ART3: variants seen among roughly 807,000 people sequenced by gnomAD.
ART3 encodes ecto-ADP-ribosyltransferase 3.
ART3 carries 49 observed loss-of-function variants against 48.5 expected under a neutral mutation model. The observed-to-expected ratio is 1.01, with a 90% confidence interval of 0.80 to 1.28. The LOEUF is 1.28. ART3 is among the 50% of genes most tolerant of loss of function. The pLI is 0.00. For missense variants in ART3, 438 were observed against 454.3 expected, an observed-to-expected ratio of 0.96 and a Z score of 0.33; for synonymous variants, 145 against 157.2, an observed-to-expected ratio of 0.92 and a Z score of 0.58.
chr4:76,075,088 C>A (rs572822292), intron 1 of ART3, among the ~76,000 whole-genome samples: 2 of 152,220 alleles, frequency 1.3e-5, no homozygotes, highest in East Asian at 3.9e-4. Flanking sequence ...TCTCCCTTCC[C>A]CTGTGCTGTT....
At position 76,104,408 on chromosome 4, in the gene ART3, A is replaced by G. The variant is rs147006065; in HGVS notation, c.971-189A>G. ...GCTCAGTGAAGTGCTATGGCAGAAG[A>G]CTCCTCTAATCATGGTGTGGATTTG... On this transcript the variant is annotated intron_variant, in intron 9 of 11. Coordinates refer to ENST00000355810, the MANE Select transcript of ART3 (RefSeq NM_001130016.3). The G allele has an allele frequency of 2.1e-3, 2,028 of 985,216 alleles. 7 individuals carry two copies. In the Middle Eastern group the frequency reaches 0.037, roughly 18 times the overall value. 61.0% of individuals were successfully genotyped at this position (985,216 alleles called of 1,614,324 possible).
rs1336582800 is a variant in ART3 at position 76,050,259 on chromosome 4, C to T, written c.-9-25622C>T. ...TTCTCTTATCTGGCCCCACCCACGT[C>T]CTGCTAATTGGTAGAGCTGAGTGGT... is the stretch of plus-strand genomic sequence containing the variant. On this transcript the variant is annotated intron_variant, in intron 1 of 9. Transcript: ENST00000341029. 2.6e-5 allele frequency among the ~76,000 whole-genome samples: 4 copies of T among 152,124 alleles called. No individual in the cohort carries two copies. In the East Asian group the frequency reaches 5.8e-4, roughly 22 times the overall value.
chr4:76,102,988 T>G (rs1727670445), intron 8 of ART3, among the ~76,000 whole-genome samples: 1 of 152,140 alleles, frequency 6.6e-6, no homozygotes, highest in South Asian at 2.1e-4. Context: ...GGGTTAAATC[T>G]CTTCTTTTTG....
At chr4:76,043,243 C>T (rs972468556) in intron 1 of ART3, among the ~76,000 whole-genome samples, 12 of 152,096 alleles carry the variant, frequency 7.9e-5, no homozygotes, top group African/African-American at 2.4e-4. Context: ...CAGTGGATCC[C>T]GCACCAGGGC....
chr4:76,028,735 A>G (rs1392917043), intron 1 of ART3, among the ~76,000 whole-genome samples: 3 of 152,212 alleles, frequency 2.0e-5, no homozygotes, highest in Admixed American at 2.0e-4. Context: ...CTGGTTACAT[A>G]CTTTTCAATT....
At chr4:76,069,093 G>A (rs542662857) in intron 1 of ART3, among the ~76,000 whole-genome samples, 3 of 152,312 alleles carry the variant, frequency 2.0e-5, no homozygotes, top group African/African-American at 7.2e-5. Context: ...CATACTGACT[G>A]TATGATAATA....
chr4:76,069,295 G>A (rs534492174), intron 1 of ART3, among the ~76,000 whole-genome samples: 11 of 141,502 alleles, frequency 7.8e-5, no homozygotes, highest in African/African-American at 2.7e-4. Context: ...CCCATTATAC[G>A]TCCAGCCCTA....
intron 1 of ART3, chr4:76,035,887 A>G: frequency 6.4e-7 from 1 of 1,555,748 alleles, no homozygotes. Flanking sequence ...AAACATTAGA[A>G]AAGGAACTTA....
At chr4:76,105,546 A>G (rs2149702712) in intron 10 of ART3, 1 of 1,289,152 alleles carries the variant, frequency 7.8e-7, no homozygotes, top group East Asian at 5.6e-5. Context: ...CAACTGAATG[A>G]AAAACCTGGT....
In ART3 at chr4:76,016,759, T is replaced by C. The variant is rs554856703; in HGVS notation, c.-10+5439T>C. Among the ~76,000 whole-genome samples, 3 of 152,290 alleles carry C rather than the reference T, an allele frequency of 2.0e-5. No individual in the cohort carries two copies. In the South Asian group the frequency reaches 6.2e-4, roughly 32 times the overall value. On this transcript the variant is annotated intron_variant, in intron 1 of 9. Coordinates refer to the ART3 transcript ENST00000341029. ...GATATCTCCCTGGTGCTCTATTCTG[T>C]TGCGGCTAAGCTGGCACTCAATCTA...
At chr4:76,053,805 G>A (rs1319179667) in intron 1 of ART3, among the ~76,000 whole-genome samples, 1 of 152,132 alleles carries the variant, frequency 6.6e-6, no homozygotes, top group African/African-American at 2.4e-5. Flanking sequence ...TCATTTGTAT[G>A]TATGTGAGCC....
At chr4:76,098,222 T>C (rs1362651732) in intron 4 of ART3, among the ~76,000 whole-genome samples, 2 of 151,672 alleles carry the variant, frequency 1.3e-5, no homozygotes, top group African/African-American at 4.8e-5. Context: ...AAAAAATCTT[T>C]CTTAGAGGAC....
intron 11 of ART3, among the ~76,000 whole-genome samples, chr4:76,108,292 A>G (rs113177633): frequency 4.6e-5 from 7 of 152,144 alleles, no homozygotes; most frequent in African/African-American, 1.7e-4. Flanking sequence ...AAGCTATTCT[A>G]TACAGGAAGT....
chr4:76,059,693 A>T (rs971617290), intron 1 of ART3, among the ~76,000 whole-genome samples: 1 of 152,222 alleles, frequency 6.6e-6, no homozygotes, highest in Admixed American at 6.5e-5. Context: ...CAACTAAATT[A>T]AAGTAACAAG....
intron 10 of ART3, chr4:76,106,416 C>T: frequency 1.0e-6 from 1 of 966,606 alleles, no homozygotes; most frequent in Non-Finnish European, 1.2e-6. Context: ...TTAGAGAAAA[C>T]AAACTTGAGA....
intron 1 of ART3, among the ~76,000 whole-genome samples, chr4:76,042,314 A>T (rs966648537): frequency 8.5e-5 from 13 of 152,242 alleles, no homozygotes; most frequent in Non-Finnish European, 1.9e-4. Context: ...AGGTAGTATC[A>T]AGGATATTTT....
intron 1 of ART3, among the ~76,000 whole-genome samples, chr4:76,050,652 G>T (rs1241718017): frequency 6.6e-6 from 1 of 152,246 alleles, no homozygotes; most frequent in Non-Finnish European, 1.5e-5. Context: ...GGTGCTGTGT[G>T]CCCGCACTCC....
intron 2 of ART3, among the ~76,000 whole-genome samples, chr4:76,077,731 G>C (rs1381354976): frequency 6.6e-6 from 1 of 152,178 alleles, no homozygotes; most frequent in Non-Finnish European, 1.5e-5. Context: ...TAGTGGAATT[G>C]CTGGGTTGTA....
intron 1 of ART3, among the ~76,000 whole-genome samples, chr4:76,062,850 G>A (rs563626791): frequency 1.3e-5 from 2 of 152,000 alleles, no homozygotes; most frequent in East Asian, 1.9e-4. Flanking sequence ...GTGAGCCACC[G>A]AGCCCGGCCC....
Sources: allele counts gnomAD v4.1 joint callset (sites outside exome capture counted in the v4.1 genomes callset), GRCh38; gene constraint gnomAD v4.1.1; transcripts MANE v1.5; gene names NCBI Gene and HGNC (gene_info 2026-07-23, HGNC 2026-07-21).